Variants in HEXB observed in about 807,000 individuals in gnomAD.
The protein encoded by HEXB is hexosaminidase subunit beta.
Under a neutral mutation model 71.2 loss-of-function variants are expected in HEXB, and 51 were observed. That is an observed-to-expected ratio of 0.72 (90% CI 0.57 to 0.90). The LOEUF is 0.90. Ranked by LOEUF, HEXB falls within the 40% of genes least tolerant of loss-of-function variation. The pLI is 0.00. For missense variants in HEXB, 617 were observed against 677.0 expected, an observed-to-expected ratio of 0.91 and a Z score of 0.98; for synonymous variants, 266 against 249.3, an observed-to-expected ratio of 1.07 and a Z score of -0.63.
chr5:74,698,780 A>G (rs953259748), intron 5 of HEXB, among the ~76,000 whole-genome samples: 1 of 152,236 alleles, frequency 6.6e-6, no homozygotes, highest in Non-Finnish European at 1.5e-5. Flanking sequence ...CTTAGTGTAA[A>G]AAGTTTAAAC....
At chr5:74,670,403 T>G (rs1227731227) in intron 1 of HEXB, among the ~76,000 whole-genome samples, 1 of 152,106 alleles carries the variant, frequency 6.6e-6, no homozygotes, top group Non-Finnish European at 1.5e-5. Context: ...TCAATAAAAT[T>G]ATTCTCCACC....
intron 5 of HEXB, among the ~76,000 whole-genome samples, chr5:74,702,570 A>C (rs1405475588): frequency 6.6e-6 from 1 of 152,150 alleles, no homozygotes; most frequent in Non-Finnish European, 1.5e-5. Flanking sequence ...CATTTCTGGT[A>C]TTGTTCACTT....
rs545089117 is a variant in HEXB at position 74,712,086 on chromosome 5, G to A, written c.772-1420G>A. Among the ~76,000 whole-genome samples the A allele has an allele frequency of 2.0e-3, 285 of 144,182 alleles. 2 individuals carry two copies. The highest frequency in any genetic ancestry group is 2.8e-3 in the Non-Finnish European group (187 of 66,186). The allele number at this position is 144,182 out of a possible 152,430, so 94.6% of individuals were successfully genotyped here. A position where few individuals can be genotyped will look rare whatever the true frequency, so the allele number is the denominator to read the frequency against. ...GAAAATGTGGCACATATACACCATG[G>A]AATACTATGCAGCCATAAAAAATGA... On this transcript the variant is annotated intron_variant, in intron 6 of 13. Transcript: ENST00000261416.
intron 1 of HEXB, among the ~76,000 whole-genome samples, chr5:74,680,179 A>G (rs1748713345): frequency 6.6e-6 from 1 of 152,238 alleles, no homozygotes; most frequent in Non-Finnish European, 1.5e-5. Flanking sequence ...TGACTCGCAA[A>G]TCAGAACTGC....
chr5:74,697,068 A>G lies in HEXB; in HGVS notation c.631A>G (p.Arg211Gly). 6.4e-7 allele frequency: 1 copy of G among 1,555,644 alleles called. No individual in the cohort carries two copies. Among genetic ancestry groups the G allele is most frequent in the South Asian group, 1.1e-5 (1 of 90,102 alleles). ...CAGAGGAATTTTGATTGATACATCCAGACATTATCTGCCAGTTAAGATTAT... is the reference window on the plus strand; with the variant it reads ...CAGAGGAATTTTGATTGATACATCCGGACATTATCTGCCAGTTAAGATTAT... ...SHRGILIDTS[R>G]HYLPVKIILK... is the part of the protein sequence containing the mutation. Residue 211 changes from arginine (R) to glycine (G), a missense_variant, in exon 5 of 14, where the codon AGA becomes GGA. Arg to Gly is a moderately radical substitution (Grantham distance 125). Transcript: ENST00000261416.
chr5:74,676,738 C>A (rs1580372597), intron 1 of HEXB, among the ~76,000 whole-genome samples: 1 of 152,026 alleles, frequency 6.6e-6, no homozygotes, highest in African/African-American at 2.4e-5. Context: ...TTCACTCCAG[C>A]CTTCATGACA....
chr5:74,640,902 C>G (rs1747850779), intron 1 of HEXB: 1 of 152,418 alleles, frequency 6.6e-6, no homozygotes, highest in South Asian at 2.1e-4. Context: ...AAGAGCGTGT[C>G]GGGGGAGTTA....
At chr5:74,701,131 C>G (rs1172252365) in intron 5 of HEXB, among the ~76,000 whole-genome samples, 1 of 151,900 alleles carries the variant, frequency 6.6e-6, no homozygotes, top group East Asian at 1.9e-4. Context: ...GATCCACCTG[C>G]CTTGGCCTCT....
chr5:74,674,382 T>C (rs548775719), intron 1 of HEXB, among the ~76,000 whole-genome samples: 1 of 152,050 alleles, frequency 6.6e-6, no homozygotes, highest in South Asian at 2.1e-4. Context: ...GGCGGGCAGA[T>C]CACAAGGTCA....
intron 7 of HEXB, 30 bp downstream of exon 7, chr5:74,713,665 CTTA>C: frequency 1.3e-6 from 2 of 1,588,398 alleles, no homozygotes; most frequent in Non-Finnish European, 1.7e-6. Flanking sequence ...TTCATTTTAT[CTTA>C]TTTTTTATTT....
intron 1 of HEXB, among the ~76,000 whole-genome samples, chr5:74,687,002 T>C (rs1273628324): frequency 6.6e-6 from 1 of 152,204 alleles, no homozygotes. Context: ...AAGTTAACAA[T>C]AGGTAGATAA....
At chr5:74,695,919 T>A (rs1367729853) in intron 3 of HEXB, among the ~76,000 whole-genome samples, 1 of 152,132 alleles carries the variant, frequency 6.6e-6, no homozygotes, top group Non-Finnish European at 1.5e-5. Context: ...CCATATTTTC[T>A]GTTTACCATC....
upstream of HEXB, among the ~76,000 whole-genome samples, chr5:74,683,302 CTT>C (rs113766699): frequency 4.1e-4 from 61 of 148,456 alleles, no homozygotes; most frequent in African/African-American, 1.3e-3. Context: ...CTAGTTTCTT[CTT>C]TTTTTTTTTT....
intron 3 of HEXB, among the ~76,000 whole-genome samples, 153 bp downstream of exon 3, chr5:74,693,857 C>CCATT (rs545123489): frequency 2.3e-3 from 348 of 152,312 alleles, no homozygotes; most frequent in African/African-American, 8.1e-3. Flanking sequence ...TGAACATGTA[C>CCATT]TACATAAAGC....
chr5:74,675,860 AG>A (rs1407433010), intron 1 of HEXB, among the ~76,000 whole-genome samples: 1 of 152,230 alleles, frequency 6.6e-6, no homozygotes, highest in Non-Finnish European at 1.5e-5. Flanking sequence ...CAACACCTAA[AG>A]TTCTACTTCA....
At chr5:74,706,172 T>G (rs1426171093) in intron 6 of HEXB, 2 of 152,290 alleles carry the variant, frequency 1.3e-5, no homozygotes, top group African/African-American at 4.8e-5. Context: ...TGCCCCATCC[T>G]GTTGTTTTGA....
chr5:74,666,954 G>A (rs535396461), intron 1 of HEXB, among the ~76,000 whole-genome samples: 1 of 152,050 alleles, frequency 6.6e-6, no homozygotes, highest in Non-Finnish European at 1.5e-5. Context: ...GGGGAATTTA[G>A]TTTTTCTATG....
intron 1 of HEXB, among the ~76,000 whole-genome samples, chr5:74,674,750 C>T (rs1232436256): frequency 2.0e-5 from 3 of 151,924 alleles, no homozygotes; most frequent in Admixed American, 1.3e-4. Flanking sequence ...ATATGTGATG[C>T]GGATCACAGT....
upstream of HEXB, among the ~76,000 whole-genome samples, chr5:74,681,561 T>C (rs915092272): frequency 3.3e-5 from 5 of 152,162 alleles, no homozygotes; most frequent in African/African-American, 1.2e-4. Flanking sequence ...TTCTAAAAAA[T>C]AAAATCTAAC....
Sources: allele counts gnomAD v4.1 joint callset (sites outside exome capture counted in the v4.1 genomes callset), GRCh38; gene constraint gnomAD v4.1.1; transcripts MANE v1.5; gene names NCBI Gene and HGNC (gene_info 2026-07-23, HGNC 2026-07-21).